The following PRICKLE1 variants were observed in gnomAD, a reference collection of about 807,000 sequenced individuals.
PRICKLE1 encodes the protein prickle-like protein 1.
Under a neutral mutation model 70.2 loss-of-function variants are expected in PRICKLE1, and 14 were observed. That is an observed-to-expected ratio of 0.20 (90% confidence interval 0.13 to 0.31). The LOEUF (loss-of-function observed/expected upper bound fraction) is 0.31, where lower values mean the gene tolerates loss of function less well. Ranked by LOEUF, PRICKLE1 falls within the 10% of genes least tolerant of loss-of-function variation. The probability of loss-of-function intolerance (pLI) is 1.00; values close to 1 mark genes in which losing one functional copy is unlikely to be tolerated. For synonymous variants in PRICKLE1, 357 were observed against 379.9 expected (o/e 0.94, Z 0.70); for missense variants, 821 against 1,026.2 (o/e 0.80, Z 2.73).
intron 1 of PRICKLE1, among the ~76,000 whole-genome samples, chr12:42,549,144 A>G (rs1796348): frequency 2.2e-4 from 32 of 148,792 alleles, no homozygotes; most frequent in Non-Finnish European, 1.5e-4. Context: ...AAAAAAAAAA[A>G]CCTAGATAAA....
At chr12:42,516,225 G>A (rs548190183) in intron 1 of PRICKLE1, among the ~76,000 whole-genome samples, 5 of 151,974 alleles carry the variant, frequency 3.3e-5, no homozygotes, top group South Asian at 2.1e-4. Flanking sequence ...CCCACCTCCC[G>A]GGTTCATGCC....
At position 42,510,727 on chromosome 12, in the gene PRICKLE1, G is replaced by T. The variant is rs371118641; in HGVS notation, c.-48-38163C>A. Among the ~76,000 whole-genome samples, 27 of 152,208 alleles carry T rather than the reference G, an allele frequency of 1.8e-4. 1 individual carries two copies. In the East Asian group the frequency reaches 4.8e-3, roughly 27 times the overall value. On this transcript the variant is annotated intron_variant, in intron 1 of 7. Transcript: ENST00000345127. ...CTTTATTGAGATGGGCAATTGGAAG[G>T]TTTGCATCTTCGTAAAAATGGAGGC... is the stretch of plus-strand genomic sequence containing the variant.
intron 7 of PRICKLE1, 88 bp from the exon 8 acceptor site, chr12:42,460,753 C>A: frequency 6.7e-7 from 1 of 1,487,412 alleles, no homozygotes; most frequent in Non-Finnish European, 9.2e-7. Flanking sequence ...GGAAATATTT[C>A]AAAGAAAATT....
At chr12:42,492,350 T>C (rs911528459) in intron 1 of PRICKLE1, among the ~76,000 whole-genome samples, 3 of 152,212 alleles carry the variant, frequency 2.0e-5, no homozygotes, top group Non-Finnish European at 2.9e-5. Context: ...TATTTTCTTT[T>C]TATATTTAAA....
rs775721420 is a variant in PRICKLE1, at chr12:42,460,158, T to C, written c.2147A>G (p.Lys716Arg). ...PDNYEKFIQN[K>R]SAREIQAYIQ... ...GTATGCTTGGATCTCCCGGGCACTT[T>C]TATTCTGTATAAATTTCTCATAGTT... Residue 716 changes from lysine to arginine, a missense_variant, in exon 8 of 8, where the codon AAA becomes AGA. By Grantham distance (26) the Lys-to-Arg change is conservative. Coordinates refer to ENST00000345127, the MANE Select transcript of PRICKLE1 (RefSeq NM_153026.3). 3 of 1,614,086 alleles carry C rather than the reference T, an allele frequency of 1.9e-6. No homozygotes were observed. The South Asian group carries it at 3.3e-5, about 18-fold the overall frequency.
intron 1 of PRICKLE1, among the ~76,000 whole-genome samples, chr12:42,586,732 T>C (rs992060492): frequency 7.9e-5 from 12 of 152,358 alleles, no homozygotes; most frequent in African/African-American, 2.6e-4. Flanking sequence ...ATGAGTATTA[T>C]AGACAATCAC....
chr12:42,541,164 G>A (rs1940106638), intron 1 of PRICKLE1, among the ~76,000 whole-genome samples: 1 of 152,106 alleles, frequency 6.6e-6, no homozygotes, highest in African/African-American at 2.4e-5. Context: ...TTAGGCATCG[G>A]TTGCTGAAAT....
chr12:42,472,235 A>G, intron 2 of PRICKLE1, 150 bp downstream of exon 2: 1 of 912,058 alleles, frequency 1.1e-6, no homozygotes, highest in Non-Finnish European at 1.7e-6. Flanking sequence ...TTCAAAAGTA[A>G]AACTTCAAAG....
intron 1 of PRICKLE1, among the ~76,000 whole-genome samples, chr12:42,577,693 C>T (rs994399643): frequency 2.6e-5 from 4 of 152,016 alleles, no homozygotes; most frequent in East Asian, 3.9e-4. Flanking sequence ...AGAGTGGGTA[C>T]GAAGGCCAGA....
At chr12:42,494,397 A>G (rs1593137010) in intron 1 of PRICKLE1, among the ~76,000 whole-genome samples, 1 of 152,312 alleles carries the variant, frequency 6.6e-6, no homozygotes, top group East Asian at 1.9e-4. Context: ...TTGCTGCTTT[A>G]TCAACTAACT....
chr12:42,571,090 T>C (rs1469849486), intron 1 of PRICKLE1, among the ~76,000 whole-genome samples: 1 of 152,228 alleles, frequency 6.6e-6, no homozygotes, highest in African/African-American at 2.4e-5. Flanking sequence ...TTTAGTTTTC[T>C]AGGCTTTATT....
In PRICKLE1 at chr12:42,466,211, G is replaced by T. The variant is rs779229187; in HGVS notation, c.758C>A (p.Thr253Asn). Residue 253 changes from threonine to asparagine, a missense_variant, in exon 6 of 8, where the codon ACC (threonine) becomes AAC (asparagine). Thr to Asn is a moderately conservative substitution (Grantham distance 65, BLOSUM62 0). Transcript: ENST00000345127. Reference sequence around the variant, plus strand: ...GGACTTACCAATATGTTCCCCACAGGTTTCACAGTACTCCGCATAGAGAGA... The same window carrying T: ...GGACTTACCAATATGTTCCCCACAGTTTTCACAGTACTCCGCATAGAGAGA... ...FESLYAEYCE[T>N]CGEHIGVDHA... 1 of 1,614,158 alleles carries T rather than the reference G, an allele frequency of 6.2e-7. No homozygotes were observed. Among genetic ancestry groups the T allele is most frequent in the Non-Finnish European group, 8.5e-7 (1 of 1,180,024 alleles).
intron 1 of PRICKLE1, among the ~76,000 whole-genome samples, chr12:42,558,912 A>G (rs1940455869): frequency 6.6e-6 from 1 of 152,216 alleles, no homozygotes; most frequent in Non-Finnish European, 1.5e-5. Context: ...TTAAAAAAAG[A>G]ACAGCTAATA....
intron 1 of PRICKLE1, chr12:42,485,239 G>GTTTTTTTTTTTTTTTTTTTTTTTTT (rs556218718): frequency 9.9e-6 from 1 of 100,784 alleles, no homozygotes; most frequent in Non-Finnish European, 1.9e-5. Flanking sequence ...CAGCTGAGAA[G>GTTTTTTTTTTTTTTTTTTTTTTTTT]TTTTTTTTTT....
intron 6 of PRICKLE1, chr12:42,465,586 T>C (rs1460300636): frequency 3.8e-5 from 13 of 339,486 alleles, no homozygotes; most frequent in Non-Finnish European, 6.5e-5. Flanking sequence ...TGTAGACAAG[T>C]GTCCTATTTC....
intron 1 of PRICKLE1, among the ~76,000 whole-genome samples, chr12:42,518,482 A>T (rs1204992572): frequency 2.0e-5 from 3 of 152,200 alleles, no homozygotes; most frequent in Non-Finnish European, 4.4e-5. Context: ...CAACATGCTG[A>T]AATTCATATG....
chr12:42,583,177 GTA>G (rs1209682372), intron 1 of PRICKLE1, among the ~76,000 whole-genome samples: 2 of 142,424 alleles, frequency 1.4e-5, no homozygotes, highest in African/African-American at 5.2e-5. Context: ...GTGTGTGTGT[GTA>G]CACAGAAGGC....
chr12:42,459,392 C>G lies in PRICKLE1; in HGVS notation c.*417G>C. On this transcript the variant is annotated 3_prime_UTR_variant, in exon 8 of 8. Coordinates refer to ENST00000345127, the MANE Select transcript of PRICKLE1 (RefSeq NM_153026.3). The stretch of plus-strand genomic sequence containing the variant: ...GTCATCGTGACAGGCATGCCTCACA[C>G]CAAGACGGACTATCAAGACCTGAGC... The G allele has an allele frequency of 2.8e-6, 2 of 701,986 alleles. No homozygotes were observed. Among genetic ancestry groups the G allele is most frequent in the Admixed American group, 2.0e-5 (1 of 49,848 alleles). The allele number at this position is 701,986 out of a possible 1,614,324, so 43.5% of individuals were successfully genotyped here.
intron 1 of PRICKLE1, among the ~76,000 whole-genome samples, chr12:42,553,562 A>G (rs1413429009): frequency 1.3e-5 from 2 of 151,838 alleles, no homozygotes; most frequent in African/African-American, 4.8e-5. Context: ...TGTCCCTCCT[A>G]TTCCATCATT....
Sources: allele counts gnomAD v4.1 joint callset (sites outside exome capture counted in the v4.1 genomes callset), GRCh38; gene constraint gnomAD v4.1.1; transcripts MANE v1.5; gene names NCBI Gene and HGNC (gene_info 2026-07-23, HGNC 2026-07-21).